Variants in DOCK11 observed in about 807,000 individuals in gnomAD.
The protein encoded by DOCK11 is dedicator of cytokinesis 11.
In DOCK11, 70 loss-of-function variants were observed where a neutral mutation model predicts 169.1. The ratio of observed to expected loss-of-function variants is 0.41; its 90% confidence interval spans 0.34 to 0.51. The LOEUF (loss-of-function observed/expected upper bound fraction) is 0.51, where lower values mean the gene tolerates loss of function less well. Among genes scored for constraint, DOCK11 ranks in the 20% least tolerant of loss-of-function variants. The pLI, the probability that DOCK11 is intolerant of heterozygous loss-of-function variation, is 0.10. For synonymous variants in DOCK11, 529 were observed against 541.3 expected (o/e 0.98, Z 0.32); for missense variants, 1,166 against 1,538.8 (o/e 0.76, Z 4.05).
chrX:118,513,240 T>G, intron 1 of DOCK11, among the ~76,000 whole-genome samples: 1 of 112,036 alleles, frequency 8.9e-6, no homozygotes, highest in South Asian at 3.8e-4. Flanking sequence ...CATCACTGTG[T>G]TTATTTTTTT....
intron 23 of DOCK11, among the ~76,000 whole-genome samples, chrX:118,600,415 A>G (rs1440071630): frequency 1.0e-5 from 1 of 96,730 alleles, no homozygotes; most frequent in Non-Finnish European, 2.1e-5. Flanking sequence ...TTTTTAAAAA[A>G]AAAAAAAAAG....
intron 48 of DOCK11, among the ~76,000 whole-genome samples, chrX:118,677,025 G>T (rs1380083654): frequency 3.6e-5 from 4 of 111,504 alleles, no homozygotes; most frequent in Non-Finnish European, 7.5e-5. Flanking sequence ...TGAGGTTGTT[G>T]TATGGATTAA....
intron 5 of DOCK11, 90 bp from the exon 6 acceptor site, chrX:118,545,931 G>A: frequency 1.7e-6 from 1 of 578,857 alleles, no homozygotes; most frequent in Non-Finnish European, 2.9e-6. Context: ...ATTAGGAAAT[G>A]GGCAGGGCCT....
At position 118,587,853 on chromosome X, in the gene DOCK11, G is replaced by A. The variant is rs985001005; in HGVS notation, c.1796-284G>A. 1.2e-4 allele frequency among the ~76,000 whole-genome samples: 13 copies of A among 111,755 alleles called. 1 individual carries two copies. Among genetic ancestry groups the A allele is most frequent in the Admixed American group, 7.6e-4 (8 of 10,481 alleles). ...GGATTTCTTTGCAGAGTTTAAATTT[G>A]TCAAAATTATGATGTGTTATATTTG... On this transcript the variant is annotated intron_variant, in intron 16 of 52. Transcript: ENST00000276202.
intron 6 of DOCK11, among the ~76,000 whole-genome samples, chrX:118,558,251 G>T (rs2012786615): frequency 9.0e-6 from 1 of 110,552 alleles, no homozygotes; most frequent in Non-Finnish European, 1.9e-5. Context: ...GGGATTAGAG[G>T]CATGAACCAC....
chrX:118,639,755 T>C (rs749392839), intron 38 of DOCK11, among the ~76,000 whole-genome samples, 178 bp downstream of exon 38: 16 of 112,146 alleles, frequency 1.4e-4, no homozygotes, highest in Non-Finnish European at 2.3e-4. Flanking sequence ...TGGTTTAAAT[T>C]GCCAATATGA....
At chrX:118,651,196 G>A (rs997821167) in intron 41 of DOCK11, among the ~76,000 whole-genome samples, 5 of 111,943 alleles carry the variant, frequency 4.5e-5, no homozygotes, top group Admixed American at 9.5e-5. Context: ...CACTTTGGGC[G>A]GCATAAGTGG....
intron 1 of DOCK11, among the ~76,000 whole-genome samples, chrX:118,505,415 C>T (rs1238809624): frequency 1.8e-5 from 2 of 112,120 alleles, no homozygotes; most frequent in African/African-American, 3.2e-5. Flanking sequence ...ACTGTTGGCT[C>T]GCATTATCAT....
chrX:118,512,981 A>G (rs1049804005), intron 1 of DOCK11, among the ~76,000 whole-genome samples: 1 of 111,077 alleles, frequency 9.0e-6, no homozygotes, highest in Non-Finnish European at 1.9e-5. Flanking sequence ...CTATTCCCTA[A>G]CTGCTTTCCC....
intron 40 of DOCK11, 57 bp from the exon 41 acceptor site, chrX:118,648,888 T>C (rs763057603): frequency 6.6e-6 from 7 of 1,057,263 alleles, no homozygotes; most frequent in Non-Finnish European, 8.9e-6. Flanking sequence ...CACTTGATAT[T>C]CTATTGATTT....
chrX:118,601,043 C>T (rs1429583292), intron 23 of DOCK11, among the ~76,000 whole-genome samples: 4 of 111,352 alleles, frequency 3.6e-5, no homozygotes, highest in Admixed American at 9.5e-5. Context: ...ATTCTGCTTA[C>T]CATATAGAAA....
intron 50 of DOCK11, 23 bp downstream of exon 50, chrX:118,681,271 A>G: frequency 1.8e-6 from 2 of 1,127,642 alleles, no homozygotes; most frequent in South Asian, 2.4e-5. Flanking sequence ...TCCAACATGT[A>G]TTGAATGTTT....
intron 44 of DOCK11, among the ~76,000 whole-genome samples, chrX:118,657,888 G>GAA: frequency 9.1e-6 from 1 of 109,698 alleles, no homozygotes; most frequent in Admixed American, 9.7e-5. Context: ...TCGGGTGACA[G>GAA]GTACACCAAA....
intron 37 of DOCK11, among the ~76,000 whole-genome samples, chrX:118,638,866 C>T (rs747116117): frequency 8.9e-6 from 1 of 111,894 alleles, no homozygotes; most frequent in African/African-American, 3.2e-5. Context: ...AACTCTCCCA[C>T]TACGTTTACT....
rs112824249 is a variant in DOCK11, at chrX:118,541,936, A to G, written c.103-789A>G. Among the ~76,000 whole-genome samples the G allele has an allele frequency of 8.9e-3, 994 of 111,327 alleles. 17 individuals carry two copies. Among genetic ancestry groups the G allele is most frequent in the South Asian group, 0.069 (179 of 2,604 alleles). ...GCCCAAGGGATCAAGCATCTCTAGT[A>G]TCTATGCCTGCCCTGGATATGCTGG... On this transcript the variant is annotated intron_variant, in intron 1 of 52. Coordinates refer to ENST00000276202, the MANE Select transcript of DOCK11 (RefSeq NM_144658.4).
intron 44 of DOCK11, among the ~76,000 whole-genome samples, chrX:118,661,986 C>T (rs2016226155): frequency 8.9e-6 from 1 of 112,090 alleles, no homozygotes; most frequent in African/African-American, 3.2e-5. Context: ...TTACTAGGCT[C>T]CATTCTAAAC....
intron 1 of DOCK11, among the ~76,000 whole-genome samples, chrX:118,536,085 C>T (rs1463839486): frequency 9.0e-6 from 1 of 111,447 alleles, no homozygotes; most frequent in Non-Finnish European, 1.9e-5. Flanking sequence ...ATCACTTGAC[C>T]TCAGGAGTTT....
chrX:118,657,992 A>AT (rs201196836), intron 44 of DOCK11, among the ~76,000 whole-genome samples: 6,603 of 111,303 alleles, frequency 0.059, 214 homozygotes, highest in Non-Finnish European at 0.095. Context: ...TAATCTGTTA[A>AT]CCTCCCATCC....
intron 6 of DOCK11, 94 bp downstream of exon 6, chrX:118,546,210 C>CCAAAAAAAAAAAAAAAAAAAAAAAAA (rs59721327): frequency 2.2e-5 from 1 of 45,863 alleles, no homozygotes; most frequent in African/African-American, 8.9e-5. Flanking sequence ...AGAGCCCTAG[C>CCAAAAAAAAAAAAAAAAAAAAAAAAA]AAAAAAAAAA....
Sources: gnomAD v4.1 joint callset for allele counts (sites outside exome capture counted in the v4.1 genomes callset) on GRCh38, gnomAD v4.1.1 for gene constraint, MANE v1.5 for transcripts, NCBI Gene and HGNC (gene_info 2026-07-23, HGNC 2026-07-21) for gene names.